Variants in GSTA1 observed in about 807,000 individuals in gnomAD.
The protein encoded by GSTA1 is glutathione S-transferase alpha 1, also known as glutathione S-transferase A1.
A neutral mutation model predicts 21.5 loss-of-function variants in GSTA1; 23 were observed. The observed-to-expected ratio is 1.07, with a 90% CI of 0.77 to 1.52. GSTA1 has a LOEUF of 1.52. Ranked by LOEUF, GSTA1 falls within the 40% of genes most tolerant of loss-of-function variation. The pLI is 0.00. For synonymous variants in GSTA1, 125 were observed against 90.0 expected (o/e 1.39, Z -2.20); for missense variants, 301 against 264.2 (o/e 1.14, Z -0.96).
chr6:52,793,778 C>T (rs1036975346), intron 5 of GSTA1, among the ~76,000 whole-genome samples: 14 of 152,212 alleles, frequency 9.2e-5, no homozygotes, highest in African/African-American at 2.4e-4. Flanking sequence ...TCGCTTTCAT[C>T]ATGCCCCTGT....
At chr6:52,796,545 T>TA (rs1386874190) in intron 3 of GSTA1, among the ~76,000 whole-genome samples, 90 of 20,902 alleles carry the variant, frequency 4.3e-3, no homozygotes, top group Non-Finnish European at 0.01. Flanking sequence ...ATATATATAT[T>TA]TTTTTTTTTT....
At chr6:52,794,298 A>G (rs1268327231) in intron 4 of GSTA1, 32 bp from the exon 5 acceptor site, 2 of 1,592,316 alleles carry the variant, frequency 1.3e-6, no homozygotes, top group Admixed American at 3.5e-5. Context: ...ATGGTCAAAT[A>G]CCTTTTGCCT....
At position 52,793,869 on chromosome 6, in the gene GSTA1, G is replaced by T. The variant is rs112354784; in HGVS notation, c.414+256C>A. On this transcript the variant is annotated intron_variant, in intron 5 of 6. Coordinates refer to ENST00000334575, the MANE Select transcript of GSTA1 (RefSeq NM_145740.5). ...GAGCCCACATTCTACTTATGAACAT[G>T]AAATCTTGTTGAACAGGTAATTCCA... 6.6e-3 allele frequency among the ~76,000 whole-genome samples: 999 copies of T among 152,306 alleles called. 12 individuals carry two copies. The highest frequency in any genetic ancestry group is 0.023 in the African/African-American group (962 of 41,558).
Position 52,791,611 on chromosome 6 carries a change from A to T in GSTA1, c.*247T>A. 1 of 427,622 alleles carries T rather than the reference A, an allele frequency of 2.3e-6. No homozygotes were observed. The highest frequency in any genetic ancestry group is 3.4e-5 in the South Asian group (1 of 29,446). 26.5% of individuals were successfully genotyped at this position (427,622 alleles called of 1,614,324 possible). A position where few individuals can be genotyped will look rare whatever the true frequency, so the allele number is the denominator to read the frequency against. The stretch of plus-strand genomic sequence containing the variant: ...AATCTATAGTTTCCTTTTTTACTGA[A>T]TTTTTAATTCCAGGAAAATGGTTGG... On this transcript the variant is annotated 3_prime_UTR_variant, in exon 7 of 7. Coordinates refer to ENST00000334575, the MANE Select transcript of GSTA1 (RefSeq NM_145740.5).
chr6:52,799,102 C>T (rs909564730), intron 2 of GSTA1, 79 bp downstream of exon 2: 41 of 1,325,310 alleles, frequency 3.1e-5, no homozygotes, highest in Non-Finnish European at 4.1e-5. Context: ...CAGTAAGCAA[C>T]ATCTCATAGT....
rs1763451430 is a variant in GSTA1, at chr6:52,791,469, C to A, written c.*389G>T. ...TATGCCATTATCCAGGATGGTAACT[C>A]TTCTCCTGTGCATACCTGAAAATGT... On this transcript the variant is annotated 3_prime_UTR_variant, in exon 7 of 7. Transcript: ENST00000334575. Among the ~76,000 whole-genome samples, 1 of 152,236 alleles carries A rather than the reference C, an allele frequency of 6.6e-6. No homozygotes were observed. Among genetic ancestry groups the A allele is most frequent in the Admixed American group, 6.5e-5 (1 of 15,284 alleles).
Position 52,794,262 on chromosome 6 carries a change from C to CA in GSTA1, c.276dup (p.Asp93Ter), listed in dbSNP as rs769646484. On this transcript the variant is annotated frameshift_variant, in exon 5 of 7. Coordinates refer to ENST00000334575, the MANE Select transcript of GSTA1 (RefSeq NM_145740.5). LOFTEE classifies it high-confidence loss of function. ...TCTGCTATACCTTCTATATACATAT[C>CA]AATCCTGAAAGACAGAAACAACCAA... 4.3e-6 allele frequency: 7 copies of CA among 1,610,332 alleles called. No homozygotes were observed. Among genetic ancestry groups the CA allele is most frequent in the South Asian group, 1.1e-5 (1 of 90,362 alleles).
chr6:52,795,640 G>C (rs1403861217), intron 4 of GSTA1, among the ~76,000 whole-genome samples: 1 of 152,118 alleles, frequency 6.6e-6, no homozygotes, highest in Non-Finnish European at 1.5e-5. Context: ...GCTGTTTTGT[G>C]CTTCTATCCA....
At chr6:52,797,868 C>T (rs148836272) in intron 2 of GSTA1, among the ~76,000 whole-genome samples, 49 of 152,300 alleles carry the variant, frequency 3.2e-4, no homozygotes, top group African/African-American at 1.2e-3. Flanking sequence ...CAACTCCACC[C>T]TGATATGAAT....
chr6:52,793,694 C>T (rs115656197), intron 5 of GSTA1, among the ~76,000 whole-genome samples: 14 of 152,284 alleles, frequency 9.2e-5, no homozygotes, highest in East Asian at 1.9e-4. Context: ...ATCCCTGAAA[C>T]GCTACAGTAT....
intron 6 of GSTA1, 108 bp downstream of exon 6, chr6:52,792,748 G>A (rs1456683417): frequency 6.2e-7 from 1 of 1,610,204 alleles, no homozygotes; most frequent in African/African-American, 1.3e-5. Flanking sequence ...TTGGGGCACT[G>A]AAGGCCTGGA....
intron 3 of GSTA1, among the ~76,000 whole-genome samples, chr6:52,796,543 A>ATATATATATATTTTTTTTTT (rs1300549721): frequency 4.2e-5 from 1 of 23,772 alleles, no homozygotes; most frequent in South Asian, 1.6e-3. Flanking sequence ...ATATATATAT[A>ATATATATATATTTTTTTTTT]TTTTTTTTTT....
chr6:52,794,374 T>A (rs1763529632), intron 4 of GSTA1, 108 bp from the exon 5 acceptor site: 6 of 1,075,060 alleles, frequency 5.6e-6, no homozygotes, highest in Middle Eastern at 2.2e-4. Context: ...ATAATTCACC[T>A]CCAGTGGGTG....
rs1262999545 is a variant in GSTA1, at chr6:52,798,405, A to G, written c.88-768T>C. Among the ~76,000 whole-genome samples, 3 of 123,822 alleles carry G rather than the reference A, an allele frequency of 2.4e-5. No individual in the cohort carries two copies. The East Asian group carries it at 6.7e-4, about 28-fold the overall frequency. 81.2% of individuals were successfully genotyped at this position (123,822 alleles called of 152,430 possible). Reference sequence around the variant, plus strand: ...GGCAGGGACTGTGTCTGTCTTGTTCACTATCTCCATGACCGAGTACAGAAC... The same window carrying G: ...GGCAGGGACTGTGTCTGTCTTGTTCGCTATCTCCATGACCGAGTACAGAAC... On this transcript the variant is annotated intron_variant, in intron 2 of 6. Transcript: ENST00000334575.
At chr6:52,799,899 A>T (rs1378929655) in intron 1 of GSTA1, among the ~76,000 whole-genome samples, 4 of 152,278 alleles carry the variant, frequency 2.6e-5, no homozygotes, top group African/African-American at 4.8e-5. Context: ...GAGGACCGGC[A>T]GGGAGCTAAG....
intron 6 of GSTA1, 177 bp downstream of exon 6, chr6:52,792,679 C>A: frequency 1.3e-6 from 2 of 1,509,414 alleles, no homozygotes; most frequent in Non-Finnish European, 1.8e-6. Flanking sequence ...GATTTCCTTT[C>A]CATAACAAAA....
chr6:52,801,791 G>T (rs867782670), intron 1 of GSTA1, among the ~76,000 whole-genome samples: 1 of 152,056 alleles, frequency 6.6e-6, no homozygotes, highest in Non-Finnish European at 1.5e-5. Context: ...TTTACCTTCC[G>T]CAACAACCCT....
At chr6:52,803,182 A>G (rs1461953856) in intron 1 of GSTA1, among the ~76,000 whole-genome samples, 2 of 152,140 alleles carry the variant, frequency 1.3e-5, no homozygotes, top group Non-Finnish European at 2.9e-5. Context: ...CATTCAAAGA[A>G]TTACACAGTT....
intron 1 of GSTA1, among the ~76,000 whole-genome samples, chr6:52,800,324 G>A (rs143089078): frequency 1.7e-3 from 258 of 152,252 alleles, no homozygotes; most frequent in African/African-American, 6.0e-3. Context: ...TAAAAACCAA[G>A]GACTGAGTCT....
Sources: gnomAD v4.1 joint callset for allele counts (sites outside exome capture counted in the v4.1 genomes callset) on GRCh38, gnomAD v4.1.1 for gene constraint, MANE v1.5 for transcripts, NCBI Gene and HGNC (gene_info 2026-07-23, HGNC 2026-07-21) for gene names.